Variants in MST1 observed in about 807,000 individuals in gnomAD.
MST1 encodes the protein macrophage stimulating 1, also known as hepatocyte growth factor-like protein.
A neutral mutation model predicts 100.1 loss-of-function variants in MST1; 76 were observed. The ratio of observed to expected loss-of-function variants is 0.76; its 90% confidence interval spans 0.63 to 0.92. The LOEUF (loss-of-function observed/expected upper bound fraction) is 0.92, where lower values mean the gene tolerates loss of function less well. Among genes scored for constraint, MST1 ranks in the 40% least tolerant of loss-of-function variants. The probability of loss-of-function intolerance (pLI) is 0.00; values close to 1 mark genes in which losing one functional copy is unlikely to be tolerated. For synonymous variants in MST1, 352 were observed against 385.4 expected (o/e 0.91, Z 1.01); for missense variants, 850 against 990.0 (o/e 0.86, Z 1.90).
chr3:49,684,999 A>G lies in MST1; in HGVS notation c.1622+13T>C. On this transcript the variant is annotated intron_variant, in intron 14 of 17. Transcript: ENST00000449682. ...GGGATGAGACTGGGTCCCCAAACAC[A>G]AGGGAGGCTCACCAGGAGGAGAAGC... 6.2e-7 allele frequency: 1 copy of G among 1,612,474 alleles called. No individual in the cohort carries two copies.
At chr3:49,684,270 C>T in intron 17 of MST1, 44 bp downstream of exon 17, 13 of 1,609,772 alleles carry the variant, frequency 8.1e-6, no homozygotes, top group Non-Finnish European at 1.1e-5. Context: ...TCATTTCTAG[C>T]CCCCCATACC....
At chr3:49,684,527 A>C (rs1230642320) in intron 16 of MST1, 23 bp downstream of exon 16, 1 of 1,613,500 alleles carries the variant, frequency 6.2e-7, no homozygotes, top group African/African-American at 1.3e-5. Flanking sequence ...GGCCACCAGC[A>C]GTCCTGTGCA....
Position 49,685,321 on chromosome 3 carries a change from C to G in MST1, c.1485G>C (p.Lys495Asn), listed in dbSNP as rs1262101371. 1.2e-6 allele frequency: 2 copies of G among 1,613,408 alleles called. No individual in the cohort carries two copies. The highest frequency in any genetic ancestry group is 1.3e-5 in the African/African-American group (1 of 75,050). Residue 495 changes from lysine to asparagine, a missense_variant, in exon 13 of 18, where the codon AAG (lysine) becomes AAC (asparagine). Transcript: ENST00000449682. Reference sequence around the variant, plus strand: ...CCGGATGGCCCCCAACCACGCGCAGCTTGGAACGCCGCTGATCCAGCCGAT... The same window carrying G: ...CCGGATGGCCCCCAACCACGCGCAGGTTGGAACGCCGCTGATCCAGCCGAT... ...RVDRLDQRRS[K>N]LRVVGGHPGN...
In MST1 at chr3:49,685,477, G is replaced by C; in HGVS notation, c.1417C>G (p.Pro473Ala). The change falls in exon 12 of 18, where the codon CCC (proline) becomes GCC (alanine). Residue 473 changes from proline (P) to alanine (A), a missense_variant. By Grantham distance (27) the Pro-to-Ala change is conservative. This residue lies in a region of MST1 where 816 missense variants were observed against 924.6 expected (regional missense o/e 0.88). Coordinates refer to ENST00000449682, the MANE Select transcript of MST1 (RefSeq NM_020998.4). ...ADDQPPSILD[P>A]PDQVQFEKCG... is the part of the protein sequence containing the mutation. Reference sequence around the variant, plus strand: ...AACTGGCCCAACTCCTAACCTGGGGGGTCCAGGATTGATGGCGGCTGGTCA... The same window carrying C: ...AACTGGCCCAACTCCTAACCTGGGGCGTCCAGGATTGATGGCGGCTGGTCA... 1.2e-6 allele frequency: 2 copies of C among 1,613,690 alleles called. No individual in the cohort carries two copies. The highest frequency in any genetic ancestry group is 1.7e-6 in the Non-Finnish European group (2 of 1,179,852).
chr3:49,688,048 C>G lies in MST1; in HGVS notation c.95-151G>C, dbSNP rs1447760877. ...GCACTTTCAAGGGCCAGTCTAGCCC[C>G]CTGCACAGATACTTGTGAAAAAAAT... On this transcript the variant is annotated intron_variant, in intron 1 of 17. Coordinates refer to ENST00000449682, the MANE Select transcript of MST1 (RefSeq NM_020998.4). The G allele has an allele frequency of 3.2e-6, 4 of 1,243,276 alleles. No homozygotes were observed. In the Admixed American group the frequency reaches 8.4e-5, roughly 26 times the overall value. 77.0% of individuals were successfully genotyped at this position (1,243,276 alleles called of 1,614,324 possible).
chr3:49,686,287 A>ACCCCCACCCCCCCCCCCCCC, intron 8 of MST1, 26 bp downstream of exon 8: 1 of 955,424 alleles, frequency 1.0e-6, no homozygotes, highest in South Asian at 1.4e-5. Context: ...GCACGTCCCA[A>ACCCCCACCCCCCCCCCCCCC]CGCCCGCCCC....
Position 49,686,426 on chromosome 3 carries a change from C to T in MST1, c.903G>A (p.Lys301=), listed in dbSNP as rs375422702. 30 of 1,612,660 alleles carry T rather than the reference C, an allele frequency of 1.9e-5. No homozygotes were observed. In the Admixed American group the frequency reaches 2.2e-4, roughly 12 times the overall value. The change falls in exon 8 of 18, where the codon AAG becomes AAA. Residue 301 remains lysine, a synonymous_variant. Transcript: ENST00000449682. The part of the protein sequence containing the change: ...EATTVSCFRG[K]GEGYRGTANT... ...TGGCTGTGCCCCGGTAGCCCTCACC[C>T]TTCCCGCGGAAGCAGCTGACAGTTG...
In MST1 at chr3:49,687,434, C is replaced by T. The variant is rs1307979101; in HGVS notation, c.400G>A (p.Gly134Ser). 2.5e-6 allele frequency: 4 copies of T among 1,613,284 alleles called. No individual in the cohort carries two copies. The highest frequency in any genetic ancestry group is 1.3e-5 in the African/African-American group (1 of 74,934). The change falls in exon 4 of 18, where the codon GGC (glycine) becomes AGC (serine). Residue 134 changes from glycine (G) to serine (S), a missense_variant. Physicochemically the swap from Gly to Ser is moderately conservative, Grantham distance 56. This residue lies in a region of MST1 where 816 missense variants were observed against 924.6 expected (regional missense o/e 0.88). Transcript: ENST00000449682. ...CIMNNGVGYR[G>S]TMATTVGGLP... ...CCACCCACGGTCGTGGCCATGGTGC[C>T]CCGGTACCCAACCCCATTGTTCATG...
rs564275433 is a variant in MST1, at chr3:49,684,558, T to C, written c.1868A>G (p.Glu623Gly). 1.1e-5 allele frequency: 17 copies of C among 1,613,764 alleles called. No homozygotes were observed. The highest frequency in any genetic ancestry group is 1.4e-5 in the Non-Finnish European group (16 of 1,179,870). The change falls in exon 16 of 18, where the codon GAG becomes GGG. Residue 623 changes from glutamate to glycine, a missense_variant. Glu to Gly is a moderately conservative substitution (Grantham distance 98). Around this residue, in one of 2 missense-constraint regions of MST1, gnomAD observed 816 missense variants for 924.6 expected, o/e 0.88. Coordinates refer to ENST00000449682, the MANE Select transcript of MST1 (RefSeq NM_020998.4). The part of the protein sequence containing the change: ...GTKCEIAGWG[E>G]TKGTGNDTVL... ...GTGCACTGTGCTCTTACCTTTGGTC[T>C]CACCCCAGCCTGCAATCTCACACTT...
At chr3:49,686,270 C>A in intron 8 of MST1, 43 bp downstream of exon 8, 1 of 1,600,296 alleles carries the variant, frequency 6.2e-7, no homozygotes. Flanking sequence ...CCGTCTCACC[C>A]GCAGCAGCAC....
chr3:49,688,800 G>A lies in MST1; in HGVS notation c.-109C>T. The A allele has an allele frequency of 2.5e-6, 2 of 813,582 alleles. No individual in the cohort carries two copies. The highest frequency in any genetic ancestry group is 3.9e-6 in the Non-Finnish European group (2 of 514,516). The allele number at this position is 813,582 out of a possible 1,614,324, so 50.4% of individuals were successfully genotyped here. A position where few individuals can be genotyped will look rare whatever the true frequency, so the allele number is the denominator to read the frequency against. On this transcript the variant is annotated 5_prime_UTR_variant, in exon 1 of 18. Transcript: ENST00000449682. ...GAGACCTGGTGACAGGAGCCATGAG[G>A]GGCCAGGCCTCAGGTCCCATAGGTC...
At position 49,686,431 on chromosome 3, in the gene MST1, C is replaced by T. The variant is rs756280399; in HGVS notation, c.898G>A (p.Gly300Arg). The T allele has an allele frequency of 6.2e-7, 1 of 1,612,788 alleles. No individual in the cohort carries two copies. The highest frequency in any genetic ancestry group is 8.5e-7 in the Non-Finnish European group (1 of 1,179,846). The change falls in exon 8 of 18, where the codon GGG becomes AGG. Residue 300 changes from glycine to arginine, a missense_variant. Coordinates refer to ENST00000449682, the MANE Select transcript of MST1 (RefSeq NM_020998.4). Reference sequence around the variant, plus strand: ...GTGCCCCGGTAGCCCTCACCCTTCCCGCGGAAGCAGCTGACAGTTGTGGCC... The same window carrying T: ...GTGCCCCGGTAGCCCTCACCCTTCCTGCGGAAGCAGCTGACAGTTGTGGCC... ...QEATTVSCFR[G>R]KGEGYRGTAN...
At position 49,684,550 on chromosome 3, in the gene MST1, CT is replaced by C; in HGVS notation, c.1875del (p.Gly626ValfsTer8). 6.2e-7 allele frequency: 1 copy of C among 1,613,728 alleles called. No homozygotes were observed. Among genetic ancestry groups the C allele is most frequent in the Non-Finnish European group, 8.5e-7 (1 of 1,179,852 alleles). The part of the protein sequence containing the change: ...KCEIAGWGET[K>X]GTGNDTVLNV... ...GCAGTCCTGTGCACTGTGCTCTTAC[CT>C]TTGGTCTCACCCCAGCCTGCAATCT... On this transcript the variant is annotated frameshift_variant and splice_region_variant, in exon 16 of 18. Coordinates refer to ENST00000449682, the MANE Select transcript of MST1 (RefSeq NM_020998.4). LOFTEE classifies it high-confidence loss of function.
chr3:49,684,787 T>C lies in MST1; in HGVS notation c.1720A>G (p.Met574Val), dbSNP rs140913336. 5 of 1,613,508 alleles carry C rather than the reference T, an allele frequency of 3.1e-6. No homozygotes were observed. The highest frequency in any genetic ancestry group is 2.2e-5 in the South Asian group (2 of 91,078). Residue 574 changes from methionine (M) to valine (V), a missense_variant, in exon 15 of 18, where the codon ATG (methionine) becomes GTG (valine). This residue lies in a region of MST1 where 816 missense variants were observed against 924.6 expected (regional missense o/e 0.88). Coordinates refer to ENST00000449682, the MANE Select transcript of MST1 (RefSeq NM_020998.4). ...TGGGAGCCTGAGGGCCCACACACCA[T>C]CTTGGCTACTGGGACCCGCTGTAGG... ...PSLQRVPVAK[M>V]VCGPSGSQLV...
intron 1 of MST1, 47 bp from the exon 2 acceptor site, chr3:49,687,944 C>G (rs1364770758): frequency 6.3e-7 from 1 of 1,579,866 alleles, no homozygotes. Context: ...GCATACATGT[C>G]AGTAATGTGT....
rs1284240009 is a variant in MST1, at chr3:49,686,195, A to G, written c.1017-3T>C. ...GGCAGAAGTTCTCCCGAAGGTCTCT[A>G]AGCAGGCGCTCCACTCAGCCCTAGC... On this transcript the variant is annotated splice_polypyrimidine_tract_variant and splice_region_variant and intron_variant, in intron 8 of 17. Transcript: ENST00000449682. 2 of 1,610,914 alleles carry G rather than the reference A, an allele frequency of 1.2e-6. No individual in the cohort carries two copies. The highest frequency in any genetic ancestry group is 2.7e-5 in the African/African-American group (2 of 74,684).
Position 49,688,609 on chromosome 3 carries a change from A to T in MST1, c.83T>A (p.Leu28Ter). The T allele has an allele frequency of 6.2e-7, 1 of 1,612,328 alleles. No individual in the cohort carries two copies. The highest frequency in any genetic ancestry group is 2.2e-5 in the East Asian group (1 of 44,884). The change falls in exon 1 of 18, where the codon TTA becomes TAA. Residue 28 changes from leucine (L) to a stop codon, truncating the protein, a stop_gained. Transcript: ENST00000449682. LOFTEE classifies it high-confidence loss of function. ...LPLLLLLTQC[L>*]GVPGQRSPLN... is the part of the protein sequence containing the mutation. Reference sequence around the variant, plus strand: ...TTGGGGGCACTTACCAGGGACCCCTAAGCATTGAGTCAGAAGCAGCAGGAG... The same window carrying T: ...TTGGGGGCACTTACCAGGGACCCCTTAGCATTGAGTCAGAAGCAGCAGGAG...
rs780503071 is a variant in MST1 at position 49,685,339 on chromosome 3, C to T, written c.1467G>A (p.Leu489=). The change falls in exon 13 of 18, where the codon CTG becomes CTA. Residue 489 remains leucine, a synonymous_variant. Coordinates refer to ENST00000449682, the MANE Select transcript of MST1 (RefSeq NM_020998.4). The part of the protein sequence containing the change: ...FEKCGKRVDR[L]DQRRSKLRVV... ...CGCGCAGCTTGGAACGCCGCTGATCCAGCCGATCCACCCTCTTGCCACACT... is the reference window on the plus strand; with the variant it reads ...CGCGCAGCTTGGAACGCCGCTGATCTAGCCGATCCACCCTCTTGCCACACT... 1.2e-5 allele frequency: 20 copies of T among 1,613,462 alleles called. No individual in the cohort carries two copies. Among genetic ancestry groups the T allele is most frequent in the Non-Finnish European group, 1.7e-5 (20 of 1,179,866 alleles).
rs1238596734 is a variant in MST1, at chr3:49,689,332, G to C, written c.-641C>G. The C allele has an allele frequency of 6.6e-6, 1 of 152,348 alleles. No individual in the cohort carries two copies. The allele number at this position is 152,348 out of a possible 1,614,324, so 9.4% of individuals were successfully genotyped here. A position where few individuals can be genotyped will look rare whatever the true frequency, so the allele number is the denominator to read the frequency against. Reference sequence around the variant, plus strand: ...GGAGACAGGCGGCCTAGGGATTCCGGTTAGCATGTCGCGTTCTGCCGCAGC... The same window carrying C: ...GGAGACAGGCGGCCTAGGGATTCCGCTTAGCATGTCGCGTTCTGCCGCAGC... On this transcript the variant is annotated 5_prime_UTR_variant, in exon 1 of 18. Transcript: ENST00000449682.
Sources: allele counts gnomAD v4.1 joint callset, GRCh38; gene constraint gnomAD v4.1.1; regional missense constraint gnomAD v4.1.1; transcripts MANE v1.5; gene names NCBI Gene and HGNC (gene_info 2026-07-23, HGNC 2026-07-21).